Variants in ERBB4 observed in about 807,000 individuals in gnomAD.
ERBB4 encodes erb-b2 receptor tyrosine kinase 4.
ERBB4 carries 42 observed loss-of-function variants against 158.0 expected under a neutral mutation model. The observed-to-expected ratio is 0.27, with a 90% CI of 0.21 to 0.34. The LOEUF is 0.34. Ranked by LOEUF, ERBB4 falls within the 10% of genes least tolerant of loss-of-function variation. ERBB4 has a pLI of 1.00. For synonymous variants in ERBB4, 583 were observed against 558.7 expected (o/e 1.04, Z -0.61); for missense variants, 1,333 against 1,624.1 (o/e 0.82, Z 3.08).
chr2:211,632,880 G>A (rs1407365028), intron 16 of ERBB4, among the ~76,000 whole-genome samples: 1 of 151,954 alleles, frequency 6.6e-6, no homozygotes, highest in African/African-American at 2.4e-5. Flanking sequence ...CACTCTGCAG[G>A]AACGGTAGAG....
intron 1 of ERBB4, among the ~76,000 whole-genome samples, chr2:212,300,939 AG>A (rs2086596603): frequency 6.6e-6 from 1 of 151,572 alleles, no homozygotes; most frequent in African/African-American, 2.4e-5. Context: ...GATGCTTTAT[AG>A]GTAACAGTTT....
chr2:211,873,777 T>C (rs1482441614), intron 3 of ERBB4, among the ~76,000 whole-genome samples: 2 of 151,362 alleles, frequency 1.3e-5, no homozygotes, highest in Non-Finnish European at 2.9e-5. Flanking sequence ...CTCATACGTA[T>C]ATATTTTTTT....
intron 1 of ERBB4, among the ~76,000 whole-genome samples, chr2:212,323,374 T>A (rs2087660229): frequency 1.3e-5 from 2 of 150,644 alleles, no homozygotes; most frequent in African/African-American, 4.8e-5. Flanking sequence ...AAGACTATTT[T>A]AAGAATGCTG....
intron 18 of ERBB4, among the ~76,000 whole-genome samples, chr2:211,619,839 C>T (rs1419328788): frequency 6.6e-6 from 1 of 151,988 alleles, no homozygotes; most frequent in Non-Finnish European, 1.5e-5. Flanking sequence ...AAGGCAAGTG[C>T]TAGGGGATAT....
At position 212,016,372 on chromosome 2, in the gene ERBB4, C is replaced by T. The variant is rs757017727; in HGVS notation, c.235-68756G>A. On this transcript the variant is annotated intron_variant, in intron 2 of 27. Coordinates refer to ENST00000342788, the MANE Select transcript of ERBB4 (RefSeq NM_005235.3). ...AAGACGAATTATGAGAAACAGAAAA[C>T]AATTCGAGATAATCACTGTTAATTA... Among the ~76,000 whole-genome samples, 112 of 152,096 alleles carry T rather than the reference C, an allele frequency of 7.4e-4. 2 individuals carry two copies. Among genetic ancestry groups the T allele is most frequent in the Non-Finnish European group, 1.4e-3 (92 of 67,982 alleles).
chr2:212,177,430 C>T (rs1235097695), intron 1 of ERBB4, among the ~76,000 whole-genome samples: 1 of 151,826 alleles, frequency 6.6e-6, no homozygotes, highest in East Asian at 1.9e-4. Context: ...TTTAGTACAA[C>T]AATAATAATT....
At chr2:212,129,786 G>T (rs2125582605) in intron 1 of ERBB4, among the ~76,000 whole-genome samples, 1 of 152,040 alleles carries the variant, frequency 6.6e-6, no homozygotes, top group African/African-American at 2.4e-5. Flanking sequence ...TACTCTATTT[G>T]CCAAACATTC....
intron 3 of ERBB4, among the ~76,000 whole-genome samples, chr2:211,923,378 T>C (rs2079924278): frequency 6.6e-6 from 1 of 152,172 alleles, no homozygotes; most frequent in Non-Finnish European, 1.5e-5. Context: ...GGTTAAACAA[T>C]GTTAAGATGA....
Position 211,377,128 on chromosome 2 carries a change from C to T in ERBB4, c.*6487G>A, listed in dbSNP as rs2062489393. On this transcript the variant is annotated 3_prime_UTR_variant, in exon 28 of 28. Coordinates refer to ENST00000342788, the MANE Select transcript of ERBB4 (RefSeq NM_005235.3). ...GTCCCCTCACTCCCCCCTCCCAGCCCCTGAGAGATCCAGAAATATACAGGA... is the reference window on the plus strand; with the variant it reads ...GTCCCCTCACTCCCCCCTCCCAGCCTCTGAGAGATCCAGAAATATACAGGA... 4.3e-6 allele frequency: 1 copy of T among 232,968 alleles called. No homozygotes were observed. The highest frequency in any genetic ancestry group is 8.5e-6 in the Non-Finnish European group (1 of 117,636). The allele number at this position is 232,968 out of a possible 1,614,324, so 14.4% of individuals were successfully genotyped here. A position where few individuals can be genotyped will look rare whatever the true frequency, so the allele number is the denominator to read the frequency against.
chr2:212,217,303 T>C (rs1055137076), intron 1 of ERBB4, among the ~76,000 whole-genome samples: 3 of 151,354 alleles, frequency 2.0e-5, no homozygotes, highest in African/African-American at 7.3e-5. Flanking sequence ...AATATCTTTG[T>C]GTCATCACCC....
intron 1 of ERBB4, among the ~76,000 whole-genome samples, chr2:212,253,434 T>TA (rs569761288): frequency 1.2e-3 from 184 of 152,232 alleles, no homozygotes; most frequent in African/African-American, 4.0e-3. Flanking sequence ...TCCATTACAT[T>TA]AAAAAAACCT....
At chr2:212,329,826 C>T (rs2088046357) in intron 1 of ERBB4, among the ~76,000 whole-genome samples, 1 of 151,990 alleles carries the variant, frequency 6.6e-6, no homozygotes, top group Non-Finnish European at 1.5e-5. Context: ...GAAAAAGGTT[C>T]CTGAAGTGCC....
chr2:211,770,534 T>C (rs1337485341), intron 4 of ERBB4, among the ~76,000 whole-genome samples: 2 of 152,200 alleles, frequency 1.3e-5, no homozygotes, highest in African/African-American at 4.8e-5. Flanking sequence ...CATGATATAT[T>C]TTTTCAATAA....
At chr2:212,228,736 T>A (rs1391326134) in intron 1 of ERBB4, among the ~76,000 whole-genome samples, 1 of 152,208 alleles carries the variant, frequency 6.6e-6, no homozygotes, top group Non-Finnish European at 1.5e-5. Context: ...TGTGTCCGTA[T>A]AGCACCAGTT....
intron 1 of ERBB4, among the ~76,000 whole-genome samples, chr2:212,327,831 T>A (rs1227146075): frequency 7.0e-6 from 1 of 142,398 alleles, no homozygotes; most frequent in Non-Finnish European, 1.5e-5. Context: ...TTAAAAAGCA[T>A]AGATTTTATA....
chr2:211,855,766 TTC>T (rs1297493614), intron 3 of ERBB4, among the ~76,000 whole-genome samples: 1 of 152,198 alleles, frequency 6.6e-6, no homozygotes, highest in Non-Finnish European at 1.5e-5. Context: ...TTCAAGAATA[TTC>T]TGTTTGTCCT....
chr2:212,058,188 A>G (rs1053811773), intron 2 of ERBB4, among the ~76,000 whole-genome samples: 3 of 152,226 alleles, frequency 2.0e-5, no homozygotes, highest in Non-Finnish European at 4.4e-5. Context: ...TAGAAAATCT[A>G]GAAGAAGTGG....
intron 1 of ERBB4, among the ~76,000 whole-genome samples, chr2:212,498,798 A>T (rs1690723217): frequency 6.6e-6 from 1 of 151,956 alleles, no homozygotes; most frequent in Non-Finnish European, 1.5e-5. Context: ...AAAGACCCTA[A>T]CTACTAGTAG....
intron 1 of ERBB4, among the ~76,000 whole-genome samples, chr2:212,286,531 T>C (rs1288996579): frequency 6.6e-6 from 1 of 151,120 alleles, no homozygotes; most frequent in Non-Finnish European, 1.5e-5. Context: ...TTTTCTCTTT[T>C]ACAATGGAGA....
Sources: allele counts gnomAD v4.1 joint callset (sites outside exome capture counted in the v4.1 genomes callset), GRCh38; gene constraint gnomAD v4.1.1; transcripts MANE v1.5; gene names NCBI Gene and HGNC (gene_info 2026-07-23, HGNC 2026-07-21).